The following RYR3 variants were observed in gnomAD, a reference collection of about 807,000 sequenced individuals.
The protein encoded by RYR3 is brain ryanodine receptor-calcium release channel.
A neutral mutation model predicts 584.3 loss-of-function variants in RYR3; 207 were observed. The observed-to-expected ratio is 0.35, with a 90% CI of 0.32 to 0.40. The LOEUF is 0.40. Among genes scored for constraint, RYR3 ranks in the 10% least tolerant of loss-of-function variants. The pLI, the probability that RYR3 is intolerant of heterozygous loss-of-function variation, is 1.00. For synonymous variants in RYR3, 2,416 were observed against 2,248.5 expected (o/e 1.07, Z -2.11); for missense variants, 5,616 against 6,089.2 (o/e 0.92, Z 2.59).
chr15:33,833,990 T>C (rs1399884614), intron 86 of RYR3, among the ~76,000 whole-genome samples: 1 of 150,686 alleles, frequency 6.6e-6, no homozygotes, highest in Non-Finnish European at 1.5e-5. Flanking sequence ...TTAAAAAGAG[T>C]GAGATTATTG....
At chr15:33,854,677 A>C in intron 97 of RYR3, 89 bp from the exon 98 acceptor site, 10 of 1,494,218 alleles carry the variant, frequency 6.7e-6, no homozygotes, top group Non-Finnish European at 9.0e-6. Context: ...CTCTATCCTC[A>C]GTGTGTCTCC....
intron 3 of RYR3, among the ~76,000 whole-genome samples, chr15:33,521,061 C>G (rs17817250): frequency 0.026 from 3,926 of 152,190 alleles, 61 homozygotes; most frequent in Non-Finnish European, 0.041. Flanking sequence ...TCTTCAGTTG[C>G]ACATTTGGAG....
At chr15:33,510,464 C>T (rs1237113338) in intron 3 of RYR3, among the ~76,000 whole-genome samples, 2 of 151,816 alleles carry the variant, frequency 1.3e-5, no homozygotes, top group African/African-American at 2.4e-5. Context: ...CTTGAGACCT[C>T]GGCTCCCATT....
chr15:33,754,960 C>T lies in RYR3; in HGVS notation c.8400-105C>T, dbSNP rs867203095. Reference sequence around the variant, plus strand: ...GAGTCATGTCACTACGCCAGAATAACCACTAACATTTGGAAATTAAATTCA... The same window carrying T: ...GAGTCATGTCACTACGCCAGAATAATCACTAACATTTGGAAATTAAATTCA... On this transcript the variant is annotated intron_variant, in intron 57 of 103. Transcript: ENST00000634891. 14 of 669,366 alleles carry T rather than the reference C, an allele frequency of 2.1e-5. No homozygotes were observed. In the South Asian group the frequency reaches 2.3e-4, roughly 11 times the overall value. The allele number at this position is 669,366 out of a possible 1,614,324, so 41.5% of individuals were successfully genotyped here. A position where few individuals can be genotyped will look rare whatever the true frequency, so the allele number is the denominator to read the frequency against.
At position 33,562,983 on chromosome 15, in the gene RYR3, T is replaced by G. The variant is rs760206490; in HGVS notation, c.1119T>G (p.Thr373=). 1.2e-6 allele frequency: 2 copies of G among 1,611,436 alleles called. No homozygotes were observed. Among genetic ancestry groups the G allele is most frequent in the East Asian group, 2.2e-5 (1 of 44,800 alleles). ...CCTACAAAGCACAAGACGCCAAAAC[T>G]TCCCGCCTGGGACCTCTAAAAAGAA... is the stretch of plus-strand genomic sequence containing the variant. ...WVTYKAQDAK[T]SRLGPLKRKV... The change falls in exon 11 of 104, where the codon ACT becomes ACG. Residue 373 remains threonine (T), a synonymous_variant. Transcript: ENST00000634891.
At chr15:33,659,189 C>CTG (rs1566893817) in intron 32 of RYR3, among the ~76,000 whole-genome samples, 1 of 152,206 alleles carries the variant, frequency 6.6e-6, no homozygotes, top group Non-Finnish European at 1.5e-5. Context: ...AAAAAGCTAC[C>CTG]TGGCCTGAAA....
intron 1 of RYR3, among the ~76,000 whole-genome samples, chr15:33,336,537 G>A (rs566233151): frequency 0.051 from 2,666 of 52,030 alleles, 786 homozygotes; most frequent in African/African-American, 0.12. Flanking sequence ...AAGGAGGGAA[G>A]GAGGGAAGGA....
chr15:33,599,450 A>C (rs1258043979), intron 16 of RYR3, among the ~76,000 whole-genome samples: 2 of 152,158 alleles, frequency 1.3e-5, no homozygotes, highest in Non-Finnish European at 1.5e-5. Context: ...TAAGAAGTAC[A>C]CTGGTTCAGT....
intron 3 of RYR3, among the ~76,000 whole-genome samples, chr15:33,512,789 TA>T (rs1359986902): frequency 1.3e-5 from 2 of 152,240 alleles, no homozygotes; most frequent in African/African-American, 4.8e-5. Flanking sequence ...GTTGTTTCTA[TA>T]TTTTAATTGC....
intron 64 of RYR3, among the ~76,000 whole-genome samples, chr15:33,779,769 G>A (rs1334956308): frequency 3.9e-5 from 6 of 152,080 alleles, no homozygotes; most frequent in South Asian, 2.1e-4. Flanking sequence ...TTGGGAGGCC[G>A]AGGCGGGCAG....
Position 33,788,127 on chromosome 15 carries a change from G to A in RYR3, c.9590-91G>A, listed in dbSNP as rs890767907. The A allele has an allele frequency of 7.1e-5, 108 of 1,523,036 alleles. 1 individual carries two copies. Among genetic ancestry groups the A allele is most frequent in the Middle Eastern group, 5.7e-4 (3 of 5,270 alleles). The allele number at this position is 1,523,036 out of a possible 1,614,324, so 94.3% of individuals were successfully genotyped here. ...GGGCAGGTGCCATCCTGAGTCGATGGGATTCCACGGCCTCACCTTTCAGTC... is the reference window on the plus strand; with the variant it reads ...GGGCAGGTGCCATCCTGAGTCGATGAGATTCCACGGCCTCACCTTTCAGTC... On this transcript the variant is annotated intron_variant, in intron 66 of 103. Coordinates refer to ENST00000634891, the MANE Select transcript of RYR3 (RefSeq NM_001036.6).
intron 43 of RYR3, among the ~76,000 whole-genome samples, chr15:33,713,913 G>C (rs62012610): frequency 0.057 from 8,656 of 152,186 alleles, 471 homozygotes; most frequent in East Asian, 0.25. Flanking sequence ...ACCTACCAAA[G>C]GCCCTACTGC....
chr15:33,837,816 A>G lies in RYR3; in HGVS notation c.11836A>G (p.Lys3946Glu). The G allele has an allele frequency of 2.5e-6, 4 of 1,614,024 alleles. No individual in the cohort carries two copies. Among genetic ancestry groups the G allele is most frequent in the Non-Finnish European group, 2.5e-6 (3 of 1,179,892 alleles). ...AATTATCTCCAAAAAAGAATTCCAG[A>G]AGGCCATGGAAGGGCAAAAACAGTA... is the stretch of plus-strand genomic sequence containing the variant. ...KGIISKKEFQ[K>E]AMEGQKQYTQ... The change falls in exon 89 of 104, where the codon AAG becomes GAG. Residue 3946 changes from lysine (K) to glutamate (E), a missense_variant. Around this residue, in one of 9 missense-constraint regions of RYR3, gnomAD observed 258 missense variants for 297.3 expected, o/e 0.87. Coordinates refer to ENST00000634891, the MANE Select transcript of RYR3 (RefSeq NM_001036.6).
At chr15:33,429,688 C>G (rs1033857688) in intron 1 of RYR3, among the ~76,000 whole-genome samples, 3 of 152,172 alleles carry the variant, frequency 2.0e-5, no homozygotes, top group African/African-American at 2.4e-5. Flanking sequence ...AGACTTCTTC[C>G]TTTATACATT....
intron 30 of RYR3, among the ~76,000 whole-genome samples, chr15:33,648,410 A>G (rs1172986930): frequency 6.6e-6 from 1 of 152,176 alleles, no homozygotes; most frequent in Non-Finnish European, 1.5e-5. Flanking sequence ...ATGATGAGCT[A>G]GTCACCTGCC....
rs757278733 is a variant in RYR3 at position 33,426,287 on chromosome 15, A to AT, written c.52-47124dup. Among the ~76,000 whole-genome samples, 12 of 152,140 alleles carry AT rather than the reference A, an allele frequency of 7.9e-5. No individual in the cohort carries two copies. The East Asian group carries it at 1.9e-3, about 24-fold the overall frequency. ...GAAATTACTGAGTTGAAAAATGTTA[A>AT]TTTTTTTTAAGAAAACGTGGCAAAT... is the stretch of plus-strand genomic sequence containing the variant. On this transcript the variant is annotated intron_variant, in intron 1 of 103. Transcript: ENST00000634891.
intron 39 of RYR3, among the ~76,000 whole-genome samples, chr15:33,697,088 C>T (rs2065906917): frequency 6.6e-6 from 1 of 152,160 alleles, no homozygotes; most frequent in Non-Finnish European, 1.5e-5. Context: ...ACTAACCAGC[C>T]TACAGTTTTA....
chr15:33,476,919 A>G (rs2596168), intron 2 of RYR3, among the ~76,000 whole-genome samples: 90,896 of 152,026 alleles, frequency 0.6, 27,955 homozygotes, highest in African/African-American at 0.75. Context: ...CTTGGGTTCC[A>G]AGAGCTTCAT....
chr15:33,824,347 T>G (rs1340438198), intron 81 of RYR3, among the ~76,000 whole-genome samples: 1 of 152,212 alleles, frequency 6.6e-6, no homozygotes, highest in Non-Finnish European at 1.5e-5. Flanking sequence ...ACAATATATG[T>G]TTTTTAAAAA....
Sources: gnomAD v4.1 joint callset for allele counts (sites outside exome capture counted in the v4.1 genomes callset) on GRCh38, gnomAD v4.1.1 for gene constraint, gnomAD v4.1.1 regional missense constraint, MANE v1.5 for transcripts, NCBI Gene and HGNC (gene_info 2026-07-23, HGNC 2026-07-21) for gene names.